ACVR2A: variants seen among roughly 807,000 people sequenced by gnomAD.
The protein encoded by ACVR2A is activin receptor type-2A.
Under a neutral mutation model 61.4 loss-of-function variants are expected in ACVR2A, and 7 were observed. The observed-to-expected ratio is 0.11, with a 90% confidence interval of 0.06 to 0.21. ACVR2A has a LOEUF of 0.21. ACVR2A is among the 10% of genes least tolerant of loss of function. ACVR2A has a pLI of 1.00. For synonymous variants in ACVR2A, 193 were observed against 208.3 expected (o/e 0.93, Z 0.63); for missense variants, 322 against 621.7 (o/e 0.52, Z 5.13).
chr2:147,893,292 T>A (rs963931430), intron 1 of ACVR2A, among the ~76,000 whole-genome samples: 1 of 152,234 alleles, frequency 6.6e-6, no homozygotes, highest in Non-Finnish European at 1.5e-5. Flanking sequence ...TTGATGGACA[T>A]AGGAGTGTTT....
chr2:147,908,971 T>C lies in ACVR2A; in HGVS notation c.529-6220T>C, dbSNP rs182494767. Reference sequence around the variant, plus strand: ...CTCTATTTTCTGGAAAGATTTTTTGTATTCCAGATCTGTGTATGTGTTTAC... The same window carrying C: ...CTCTATTTTCTGGAAAGATTTTTTGCATTCCAGATCTGTGTATGTGTTTAC... On this transcript the variant is annotated intron_variant, in intron 4 of 10. Coordinates refer to ENST00000241416, the MANE Select transcript of ACVR2A (RefSeq NM_001616.5). Among the ~76,000 whole-genome samples the C allele has an allele frequency of 1.2e-3, 177 of 152,330 alleles. 3 individuals carry two copies. Among genetic ancestry groups the C allele is most frequent in the East Asian group, 9.6e-4 (5 of 5,190 alleles).
intron 5 of ACVR2A, among the ~76,000 whole-genome samples, chr2:147,915,705 T>C (rs555539375): frequency 2.4e-4 from 37 of 152,102 alleles, no homozygotes; most frequent in Non-Finnish European, 4.6e-4. Context: ...CAGTATACTT[T>C]GTTTTAGAAT....
intron 9 of ACVR2A, among the ~76,000 whole-genome samples, chr2:147,924,465 A>G (rs1237028717): frequency 6.6e-6 from 1 of 152,002 alleles, no homozygotes; most frequent in Non-Finnish European, 1.5e-5. Flanking sequence ...AAGAAATACA[A>G]GCATGTGTTT....
chr2:147,924,706 GTTAC>G (rs1251054628), intron 9 of ACVR2A, among the ~76,000 whole-genome samples: 2 of 151,992 alleles, frequency 1.3e-5, no homozygotes, highest in African/African-American at 2.4e-5. Context: ...TGTGTTGATG[GTTAC>G]TTGTTTGTTA....
At chr2:147,886,946 C>T (rs1558803135) in intron 1 of ACVR2A, among the ~76,000 whole-genome samples, 1 of 152,120 alleles carries the variant, frequency 6.6e-6, no homozygotes, top group Non-Finnish European at 1.5e-5. Flanking sequence ...GTGCTTGGCT[C>T]ACACCTGTAA....
intron 1 of ACVR2A, among the ~76,000 whole-genome samples, chr2:147,878,199 CAG>C (rs1474296525): frequency 1.3e-5 from 2 of 152,072 alleles, no homozygotes; most frequent in South Asian, 2.1e-4. Flanking sequence ...GTTTACAAGA[CAG>C]AATTAAGCTG....
At chr2:147,880,711 C>T (rs1341698343) in intron 1 of ACVR2A, among the ~76,000 whole-genome samples, 1 of 152,110 alleles carries the variant, frequency 6.6e-6, no homozygotes, top group East Asian at 1.9e-4. Flanking sequence ...ATTTCTCAAA[C>T]TTTGGAATTA....
At chr2:147,847,124 T>A (rs78090899) in intron 1 of ACVR2A, among the ~76,000 whole-genome samples, 33 of 152,196 alleles carry the variant, frequency 2.2e-4, no homozygotes, top group Non-Finnish European at 2.8e-4. Flanking sequence ...AGCTATAATT[T>A]TGAAATAAAG....
At chr2:147,926,909 TTC>T (rs1687513570) in intron 10 of ACVR2A, among the ~76,000 whole-genome samples, 169 bp from the exon 11 acceptor site, 1 of 151,760 alleles carries the variant, frequency 6.6e-6, no homozygotes, top group African/African-American at 2.4e-5. Context: ...AAAAAAAAAG[TTC>T]TGTTTGTGCT....
chr2:147,861,243 A>G (rs949595426), intron 1 of ACVR2A, among the ~76,000 whole-genome samples: 2 of 152,208 alleles, frequency 1.3e-5, no homozygotes, highest in African/African-American at 4.8e-5. Context: ...TATTCACAAT[A>G]TTGAGGACAT....
rs370178486 is a variant in ACVR2A at position 147,899,739 on chromosome 2, C to T, written c.374-5C>T. On this transcript the variant is annotated splice_polypyrimidine_tract_variant and splice_region_variant and intron_variant, in intron 3 of 10. Coordinates refer to ENST00000241416, the MANE Select transcript of ACVR2A (RefSeq NM_001616.5). ...CTGAGTTATTTTTCCCCCCCTTTTCCACAGCCACTTCAAATCCAGTTACAC... is the reference window on the plus strand; with the variant it reads ...CTGAGTTATTTTTCCCCCCCTTTTCTACAGCCACTTCAAATCCAGTTACAC... 9.3e-6 allele frequency: 15 copies of T among 1,611,452 alleles called. No homozygotes were observed. The African/African-American group carries it at 1.7e-4, about 19-fold the overall frequency.
chr2:147,889,415 C>A (rs1259209826), intron 1 of ACVR2A, among the ~76,000 whole-genome samples: 1 of 152,092 alleles, frequency 6.6e-6, no homozygotes, highest in Non-Finnish European at 1.5e-5. Flanking sequence ...GAATTGTCCT[C>A]AGATACAGTT....
chr2:147,853,258 T>C (rs759656991), intron 1 of ACVR2A, among the ~76,000 whole-genome samples: 1 of 152,118 alleles, frequency 6.6e-6, no homozygotes, highest in Non-Finnish European at 1.5e-5. Flanking sequence ...TAACGTAATA[T>C]TCTCTTAAAG....
chr2:147,927,875 A>G lies in ACVR2A; in HGVS notation c.*601A>G, dbSNP rs987535903. The G allele has an allele frequency of 6.6e-6, 1 of 152,360 alleles. No homozygotes were observed. The highest frequency in any genetic ancestry group is 6.6e-5 in the Admixed American group (1 of 15,196). 9.4% of individuals were successfully genotyped at this position (152,360 alleles called of 1,614,324 possible). A position where few individuals can be genotyped will look rare whatever the true frequency, so the allele number is the denominator to read the frequency against. ...CCTCAACAAGGTATACCTCAGTTCC[A>G]CGGTTGCTAAATTATAAAATTGAAA... On this transcript the variant is annotated 3_prime_UTR_variant, in exon 11 of 11. Transcript: ENST00000241416.
intron 1 of ACVR2A, among the ~76,000 whole-genome samples, chr2:147,866,418 A>G (rs1685856801): frequency 6.6e-6 from 1 of 152,230 alleles, no homozygotes; most frequent in South Asian, 2.1e-4. Context: ...CGCATTTCCA[A>G]GAGGCTCCCA....
chr2:147,883,935 A>T (rs1686370994), intron 1 of ACVR2A, among the ~76,000 whole-genome samples: 2 of 152,152 alleles, frequency 1.3e-5, no homozygotes, highest in African/African-American at 2.4e-5. Context: ...TTGATGTTTT[A>T]TTAAAAAGAG....
chr2:147,863,482 T>G (rs1407123389), intron 1 of ACVR2A, among the ~76,000 whole-genome samples: 1 of 152,232 alleles, frequency 6.6e-6, no homozygotes, highest in Non-Finnish European at 1.5e-5. Flanking sequence ...TGTTATTGAC[T>G]GGAAGCCCTA....
At chr2:147,865,341 A>C (rs960155534) in intron 1 of ACVR2A, among the ~76,000 whole-genome samples, 2 of 152,222 alleles carry the variant, frequency 1.3e-5, no homozygotes, top group African/African-American at 2.4e-5. Context: ...GTTAACCTAA[A>C]GTAAGTGACA....
intron 4 of ACVR2A, among the ~76,000 whole-genome samples, chr2:147,909,486 A>G (rs1687065195): frequency 6.6e-6 from 1 of 152,170 alleles, no homozygotes; most frequent in Non-Finnish European, 1.5e-5. Context: ...TTTCTCACCT[A>G]CAAACCTAAT....
Sources: allele counts gnomAD v4.1 joint callset (sites outside exome capture counted in the v4.1 genomes callset), GRCh38; gene constraint gnomAD v4.1.1; transcripts MANE v1.5; gene names NCBI Gene and HGNC (gene_info 2026-07-23, HGNC 2026-07-21).